Variants in GSE1 observed in about 807,000 individuals in gnomAD.
GSE1 encodes Gse1 coiled-coil protein.
In GSE1, 32 loss-of-function variants were observed where a neutral mutation model predicts 112.6. The ratio of observed to expected loss-of-function variants is 0.28; its 90% CI spans 0.21 to 0.38. The LOEUF is 0.38. GSE1 is among the 10% of genes least tolerant of loss of function. The probability of loss-of-function intolerance (pLI) is 1.00; values close to 1 mark genes in which losing one functional copy is unlikely to be tolerated. For synonymous variants in GSE1, 1,115 were observed against 735.6 expected, an observed-to-expected ratio of 1.52 and a Z score of -8.35; for missense variants, 2,348 against 1,699.2, an observed-to-expected ratio of 1.38 and a Z score of -6.71.
intron 1 of GSE1, among the ~76,000 whole-genome samples, chr16:85,261,361 G>A (rs1907665960): frequency 6.6e-6 from 1 of 152,258 alleles, no homozygotes; most frequent in African/African-American, 2.4e-5. Context: ...TCTGTACAGT[G>A]AGCAGTTGCT....
intron 2 of GSE1, among the ~76,000 whole-genome samples, chr16:85,527,184 C>A (rs559317940): frequency 2.0e-5 from 3 of 152,224 alleles, no homozygotes; most frequent in Admixed American, 6.5e-5. Flanking sequence ...ATGCTTCCCC[C>A]TCGTGAGGAA....
At chr16:85,661,072 C>T (rs1169627621) in intron 8 of GSE1, 74 bp from the exon 9 acceptor site, 5 of 1,418,676 alleles carry the variant, frequency 3.5e-6, no homozygotes, top group Middle Eastern at 1.8e-4. Flanking sequence ...TTAGGAGCGG[C>T]AGGCAGCCAG....
chr16:85,210,650 C>T (rs1038177988), intron 1 of GSE1, among the ~76,000 whole-genome samples: 1 of 152,054 alleles, frequency 6.6e-6, no homozygotes, highest in Non-Finnish European at 1.5e-5. Flanking sequence ...AGACTGTACA[C>T]GTGTCCTGAT....
At chr16:85,399,945 G>C (rs1437933397) in intron 2 of GSE1, among the ~76,000 whole-genome samples, 1 of 152,188 alleles carries the variant, frequency 6.6e-6, no homozygotes, top group Non-Finnish European at 1.5e-5. Flanking sequence ...GCTACAGGGG[G>C]CTGTGCCCTG....
chr16:85,334,704 C>G (rs1290427940), intron 1 of GSE1, among the ~76,000 whole-genome samples: 2 of 152,162 alleles, frequency 1.3e-5, no homozygotes, highest in African/African-American at 4.8e-5. Context: ...GGCTCAAGAC[C>G]CACCACCCCA....
intron 1 of GSE1, among the ~76,000 whole-genome samples, chr16:85,620,283 C>G (rs1196747768): frequency 1.3e-5 from 2 of 152,130 alleles, no homozygotes; most frequent in Admixed American, 6.5e-5. Flanking sequence ...GAGCGGGACT[C>G]TTGTCTCAGC....
At chr16:85,176,793 G>A (rs1178247686) in intron 1 of GSE1, among the ~76,000 whole-genome samples, 1 of 152,264 alleles carries the variant, frequency 6.6e-6, no homozygotes, top group Non-Finnish European at 1.5e-5. Flanking sequence ...TCTGAGGTCT[G>A]CAGAGAGCGT....
At chr16:85,343,623 G>A (rs886663583) in intron 1 of GSE1, among the ~76,000 whole-genome samples, 6 of 152,176 alleles carry the variant, frequency 3.9e-5, no homozygotes, top group South Asian at 2.1e-4. Context: ...GGTGGTGCAC[G>A]CCTGTAGACC....
intron 1 of GSE1, among the ~76,000 whole-genome samples, chr16:85,327,623 A>C (rs117917355): frequency 0.019 from 2,913 of 152,202 alleles, 50 homozygotes; most frequent in South Asian, 0.03. Flanking sequence ...AACAAAACAT[A>C]AACAAAACTA....
intron 1 of GSE1, among the ~76,000 whole-genome samples, chr16:85,195,230 C>T (rs908764979): frequency 2.0e-5 from 3 of 152,112 alleles, no homozygotes; most frequent in African/African-American, 7.2e-5. Context: ...TTCACTGGGG[C>T]GGTAATAAGC....
chr16:85,586,355 G>C (rs2046692309), intron 1 of GSE1, among the ~76,000 whole-genome samples: 1 of 152,252 alleles, frequency 6.6e-6, no homozygotes, highest in African/African-American at 2.4e-5. Flanking sequence ...GCCCTGGCCT[G>C]GATGCCTTTG....
chr16:85,441,608 C>T (rs2049377505), intron 2 of GSE1, among the ~76,000 whole-genome samples: 1 of 152,226 alleles, frequency 6.6e-6, no homozygotes, highest in African/African-American at 2.4e-5. Flanking sequence ...GATCTCACCA[C>T]TGCACTCCAG....
intron 1 of GSE1, among the ~76,000 whole-genome samples, chr16:85,303,211 G>A (rs145914321): frequency 2.0e-5 from 3 of 152,368 alleles, no homozygotes; most frequent in East Asian, 1.9e-4. Flanking sequence ...AAGCGGAGGC[G>A]GAGTTTTCCA....
intron 1 of GSE1, among the ~76,000 whole-genome samples, chr16:85,272,189 G>A (rs866481092): frequency 2.0e-4 from 31 of 152,242 alleles, no homozygotes; most frequent in African/African-American, 7.0e-4. Flanking sequence ...CTCCGCTTTG[G>A]ATGTCTGAGT....
intron 3 of GSE1, among the ~76,000 whole-genome samples, chr16:85,651,257 C>G (rs1311337771): frequency 6.6e-6 from 1 of 152,142 alleles, no homozygotes; most frequent in East Asian, 1.9e-4. Flanking sequence ...CGGGCCTTGC[C>G]TGGATGGGGG....
At chr16:85,535,858 C>T (rs749303740) in intron 2 of GSE1, among the ~76,000 whole-genome samples, 1 of 152,256 alleles carries the variant, frequency 6.6e-6, no homozygotes, top group African/African-American at 2.4e-5. Context: ...GCTTCAAAGG[C>T]CTGTCCTGTC....
intron 1 of GSE1, among the ~76,000 whole-genome samples, chr16:85,565,660 C>T (rs1412805690): frequency 2.6e-5 from 4 of 152,196 alleles, no homozygotes; most frequent in Admixed American, 6.5e-5. Flanking sequence ...ATGAGCCCTC[C>T]TGGGGATGCC....
intron 1 of GSE1, among the ~76,000 whole-genome samples, chr16:85,354,431 G>C (rs561649555): frequency 3.9e-5 from 6 of 152,240 alleles, no homozygotes; most frequent in Non-Finnish European, 8.8e-5. Flanking sequence ...CAGTAAAAAG[G>C]GTTGTTTTCT....
intron 1 of GSE1, among the ~76,000 whole-genome samples, chr16:85,587,061 C>T (rs2046733332): frequency 6.6e-6 from 1 of 152,048 alleles, no homozygotes; most frequent in South Asian, 2.1e-4. Flanking sequence ...GTGGGGGCAC[C>T]TCCATCTCTT....
Sources: allele counts gnomAD v4.1 joint callset (sites outside exome capture counted in the v4.1 genomes callset), GRCh38; gene constraint gnomAD v4.1.1; transcripts MANE v1.5; gene names NCBI Gene and HGNC (gene_info 2026-07-23, HGNC 2026-07-21).